Variants in COG7 observed in about 807,000 individuals in gnomAD.
COG7 encodes component of oligomeric golgi complex 7.
A neutral mutation model predicts 91.5 loss-of-function variants in COG7; 49 were observed. The ratio of observed to expected loss-of-function variants is 0.54; its 90% CI spans 0.43 to 0.68. The LOEUF is 0.68. COG7 is among the 30% of genes least tolerant of loss of function. The probability of loss-of-function intolerance (pLI) is 0.00; values close to 1 mark genes in which losing one functional copy is unlikely to be tolerated. For synonymous variants in COG7, 365 were observed against 388.7 expected (o/e 0.94, Z 0.72); for missense variants, 895 against 961.3 (o/e 0.93, Z 0.91).
rs1290580272 is a variant in COG7, at chr16:23,442,513, G to A, written c.568C>T (p.Pro190Ser). Residue 190 changes from proline to serine, a missense_variant, in exon 4 of 17, where the codon CCA becomes TCA. By Grantham distance (74) the Pro-to-Ser change is moderately conservative. Coordinates refer to ENST00000307149, the MANE Select transcript of COG7 (RefSeq NM_153603.4). ...LKNRLEALAS[P>S]QIVAAFTSQA... Reference sequence around the variant, plus strand: ...GAGGTGAATGCCGCTACAATCTGTGGACTGGCTAGGGCCTCCAGCCTGTTC... The same window carrying A: ...GAGGTGAATGCCGCTACAATCTGTGAACTGGCTAGGGCCTCCAGCCTGTTC... 1.1e-5 allele frequency: 17 copies of A among 1,613,950 alleles called. No individual in the cohort carries two copies. Among genetic ancestry groups the A allele is most frequent in the African/African-American group, 2.7e-5 (2 of 74,900 alleles).
intron 9 of COG7, chr16:23,415,731 C>T (rs1475408998): frequency 1.3e-5 from 2 of 152,228 alleles, no homozygotes; most frequent in Non-Finnish European, 2.9e-5. Flanking sequence ...CGGTTGGCCA[C>T]TATACTCTAT....
At chr16:23,443,276 G>A (rs944459533) in intron 3 of COG7, among the ~76,000 whole-genome samples, 1 of 151,982 alleles carries the variant, frequency 6.6e-6, no homozygotes, top group African/African-American at 2.4e-5. Context: ...TGGGCACAAT[G>A]GCTTATACCT....
chr16:23,452,743 C>T, intron 1 of COG7, 83 bp downstream of exon 1: 4 of 1,530,832 alleles, frequency 2.6e-6, no homozygotes, highest in Middle Eastern at 2.3e-4. Flanking sequence ...CCCCGCCCAC[C>T]TGAGTGCCTC....
At chr16:23,411,476 G>A (rs1331983814) in intron 10 of COG7, among the ~76,000 whole-genome samples, 1 of 152,200 alleles carries the variant, frequency 6.6e-6, no homozygotes, top group Non-Finnish European at 1.5e-5. Flanking sequence ...GGTGATAAGG[G>A]ATACAGTTAG....
At chr16:23,390,613 T>G (rs1039520431) in intron 16 of COG7, among the ~76,000 whole-genome samples, 2 of 152,018 alleles carry the variant, frequency 1.3e-5, no homozygotes, top group Non-Finnish European at 1.5e-5. Flanking sequence ...GTTTTGTTTT[T>G]AATATTTTGT....
chr16:23,441,066 GAAAA>G (rs201001732), intron 4 of COG7, among the ~76,000 whole-genome samples: 1 of 150,062 alleles, frequency 6.7e-6, no homozygotes, highest in African/African-American at 2.4e-5. Flanking sequence ...AAATAAAACA[GAAAA>G]AAAAAATTTT....
At chr16:23,403,194 G>A (rs1016149025) in intron 13 of COG7, among the ~76,000 whole-genome samples, 17 of 152,150 alleles carry the variant, frequency 1.1e-4, no homozygotes, top group Admixed American at 1.0e-3. Context: ...AAAGTGAGTC[G>A]ATTCTAGAAA....
intron 6 of COG7, among the ~76,000 whole-genome samples, chr16:23,426,834 A>AAAAAAAAAAAAAAAAG (rs1555495229): frequency 1.4e-5 from 2 of 146,060 alleles, no homozygotes; most frequent in African/African-American, 2.6e-5. Context: ...AAAAAAAAAA[A>AAAAAAAAAAAAAAAAG]AAAGAAAGAA....
At chr16:23,413,157 G>A (rs967794447) in intron 10 of COG7, 2 of 366,260 alleles carry the variant, frequency 5.5e-6, no homozygotes, top group African/African-American at 4.2e-5. Context: ...CGCTAAGGTG[G>A]GGGTAAAAAA....
Position 23,448,147 on chromosome 16 carries a change from A to G in COG7, c.170-2186T>C, listed in dbSNP as rs532984755. On this transcript the variant is annotated intron_variant, in intron 1 of 16. Coordinates refer to ENST00000307149, the MANE Select transcript of COG7 (RefSeq NM_153603.4). ...CATCGCAGACTTGGGCCCTTGTCTC[A>G]TCTTGCATAAAAATAAATGAAGCTT... Among the ~76,000 whole-genome samples, 14 of 152,194 alleles carry G rather than the reference A, an allele frequency of 9.2e-5. No homozygotes were observed. The South Asian group carries it at 2.7e-3, about 29-fold the overall frequency.
At chr16:23,404,941 C>T (rs1280568575) in intron 12 of COG7, among the ~76,000 whole-genome samples, 2 of 152,064 alleles carry the variant, frequency 1.3e-5, no homozygotes, top group Non-Finnish European at 2.9e-5. Flanking sequence ...TTTTCTACTG[C>T]ATCTGGTGCT....
chr16:23,390,206 T>C (rs1596901808), intron 16 of COG7: 1 of 150,254 alleles, frequency 6.7e-6, no homozygotes, highest in Non-Finnish European at 1.5e-5. Flanking sequence ...TTTTTTTTTT[T>C]TTTTTTCTTT....
chr16:23,436,727 A>T (rs113096846), intron 4 of COG7, among the ~76,000 whole-genome samples: 1,637 of 151,968 alleles, frequency 0.011, 30 homozygotes, highest in African/African-American at 0.037. Flanking sequence ...ACTCTGTCTC[A>T]AAAAAAATAA....
intron 9 of COG7, chr16:23,416,689 C>CTTTTTTTTTT: frequency 6.3e-6 from 3 of 478,632 alleles, no homozygotes; most frequent in Non-Finnish European, 7.6e-6. Flanking sequence ...TCTAAGGTTT[C>CTTTTTTTTTT]TTTTTTTTTC....
intron 7 of COG7, among the ~76,000 whole-genome samples, chr16:23,421,685 C>G (rs1963758120): frequency 6.6e-6 from 1 of 151,502 alleles, no homozygotes; most frequent in Non-Finnish European, 1.5e-5. Context: ...GATGGCAACA[C>G]AGGCACCTTC....
chr16:23,409,622 A>G (rs30012), intron 11 of COG7, among the ~76,000 whole-genome samples: 44,860 of 152,052 alleles, frequency 0.3, 7,641 homozygotes, highest in African/African-American at 0.47. Flanking sequence ...CTAAGGAATA[A>G]AGGCATCAGC....
In COG7 at chr16:23,446,974, T is replaced by G. The variant is rs1158291921; in HGVS notation, c.170-1013A>C. The G allele has an allele frequency of 3.3e-5, 5 of 152,142 alleles. No individual in the cohort carries two copies. The East Asian group carries it at 9.6e-4, about 29-fold the overall frequency. 9.4% of individuals were successfully genotyped at this position (152,142 alleles called of 1,614,324 possible). ...CATGTTGCCCAGGCTGGTCTCAAAC[T>G]CCTGGGCTCAAGGGACCTGCCTGGC... On this transcript the variant is annotated intron_variant, in intron 1 of 16. Coordinates refer to ENST00000307149, the MANE Select transcript of COG7 (RefSeq NM_153603.4).
chr16:23,393,194 GCTTGACTTGTAA>G, intron 15 of COG7, 27 bp downstream of exon 15: 2 of 1,468,056 alleles, frequency 1.4e-6, no homozygotes, highest in Non-Finnish European at 1.9e-6. Flanking sequence ...GAAACTGACA[GCTTGACTTGTAA>G]CATCGCCAGA....
At chr16:23,390,775 G>A (rs1001933691) in intron 16 of COG7, among the ~76,000 whole-genome samples, 1 of 152,222 alleles carries the variant, frequency 6.6e-6, no homozygotes, top group African/African-American at 2.4e-5. Context: ...ACTCAGGGCA[G>A]GGCCAGGAGG....
Sources: gnomAD v4.1 joint callset for allele counts (sites outside exome capture counted in the v4.1 genomes callset) on GRCh38, gnomAD v4.1.1 for gene constraint, MANE v1.5 for transcripts, NCBI Gene and HGNC (gene_info 2026-07-23, HGNC 2026-07-21) for gene names.